The following COBLL1 variants were observed in gnomAD, a reference collection of about 807,000 sequenced individuals.
COBLL1 encodes cordon-bleu protein-like 1.
COBLL1 carries 50 observed loss-of-function variants against 94.8 expected under a neutral mutation model. The ratio of observed to expected loss-of-function variants is 0.53; its 90% CI spans 0.42 to 0.67. COBLL1 has a LOEUF of 0.67. Ranked by LOEUF, COBLL1 falls within the 30% of genes least tolerant of loss-of-function variation. COBLL1 has a pLI of 0.00. For synonymous variants in COBLL1, 448 were observed against 473.8 expected (o/e 0.95, Z 0.71); for missense variants, 1,362 against 1,348.7 (o/e 1.01, Z -0.15).
At position 164,694,720 on chromosome 2, in the gene COBLL1, G is replaced by A; in HGVS notation, c.2672C>T (p.Ala891Val). The change falls in exon 12 of 14, where the codon GCC becomes GTC. Residue 891 changes from alanine to valine, a missense_variant. By Grantham distance (64) the Ala-to-Val change is moderately conservative. Coordinates refer to ENST00000652658, the MANE Select transcript of COBLL1 (RefSeq NM_001365672.2). ...TSAAAKSVHA[A>V]PNPAPKELTN... ...CAGTTCTTTTGGAGCAGGATTAGGG[G>A]CAGCATGGACACTCTTGGCAGCTGC... The A allele has an allele frequency of 6.2e-7, 1 of 1,613,786 alleles. No individual in the cohort carries two copies. The highest frequency in any genetic ancestry group is 2.2e-5 in the East Asian group (1 of 44,878).
chr2:164,838,818 TAGTC>T (rs1186282746), intron 2 of COBLL1, among the ~76,000 whole-genome samples: 1 of 152,188 alleles, frequency 6.6e-6, no homozygotes, highest in Non-Finnish European at 1.5e-5. Context: ...ATGATATAAT[TAGTC>T]AGTTTTATAG....
intron 2 of COBLL1, among the ~76,000 whole-genome samples, chr2:164,769,797 C>A (rs536105668): frequency 5.3e-5 from 8 of 152,134 alleles, no homozygotes; most frequent in East Asian, 3.9e-4. Context: ...ATACCCCCCC[C>A]AGAGCAAGCA....
intron 2 of COBLL1, among the ~76,000 whole-genome samples, chr2:164,812,118 CTT>C (rs1349593349): frequency 2.0e-5 from 3 of 151,808 alleles, no homozygotes; most frequent in African/African-American, 4.8e-5. Context: ...TATTTTAAGA[CTT>C]ATGCTATTTT....
chr2:164,775,235 C>A (rs1307373030), intron 2 of COBLL1, among the ~76,000 whole-genome samples: 1 of 152,068 alleles, frequency 6.6e-6, no homozygotes, highest in African/African-American at 2.4e-5. Flanking sequence ...TGGCTACCAC[C>A]CCCAACCCCA....
At position 164,685,934 on chromosome 2, in the gene COBLL1, G is replaced by A. The variant is rs1310047382; in HGVS notation, c.*12C>T. On this transcript the variant is annotated 3_prime_UTR_variant, in exon 14 of 14. Coordinates refer to ENST00000652658, the MANE Select transcript of COBLL1 (RefSeq NM_001365672.2). ...AGTGGAAGTGAAGTGCAGTGGTGTG[G>A]CAGGGTAACATTTAATGGCCGTCCT... The A allele has an allele frequency of 4.5e-6, 7 of 1,554,808 alleles. No individual in the cohort carries two copies. In the Admixed American group the frequency reaches 1.2e-4, roughly 26 times the overall value.
chr2:164,760,334 C>T (rs905775924), intron 2 of COBLL1, among the ~76,000 whole-genome samples: 6 of 152,082 alleles, frequency 3.9e-5, no homozygotes, highest in African/African-American at 1.4e-4. Context: ...GTAAGAGTCT[C>T]AAAGGGACAA....
At chr2:164,687,302 G>T in intron 13 of COBLL1, 1 of 632,634 alleles carries the variant, frequency 1.6e-6, no homozygotes, top group Non-Finnish European at 2.9e-6. Context: ...GCAGGGCCCG[G>T]CACTTGTCCA....
Position 164,827,240 on chromosome 2 carries a change from T to C in COBLL1, c.41+13916A>G, listed in dbSNP as rs77921510. On this transcript the variant is annotated intron_variant, in intron 2 of 13. Transcript: ENST00000652658. ...CTGGGATTGCAGGCATAAGCCATCA[T>C]GCCCGGCCCATTTCTTTAAGGTTTT... Among the ~76,000 whole-genome samples the C allele has an allele frequency of 2.7e-3, 414 of 152,318 alleles. 3 individuals carry two copies. The highest frequency in any genetic ancestry group is 9.5e-3 in the African/African-American group (395 of 41,588).
chr2:164,692,620 A>G (rs1683677940), intron 12 of COBLL1: 1 of 415,696 alleles, frequency 2.4e-6, no homozygotes, highest in Non-Finnish European at 4.3e-6. Flanking sequence ...CCAAAGAAGA[A>G]AAGTGGTACC....
At chr2:164,715,407 G>C (rs933494914) in intron 7 of COBLL1, among the ~76,000 whole-genome samples, 8 of 151,964 alleles carry the variant, frequency 5.3e-5, no homozygotes, top group African/African-American at 1.7e-4. Flanking sequence ...GGAAAATGGA[G>C]GGGAAAATAA....
rs1558956204 is a variant in COBLL1, at chr2:164,725,135, A to ATATATATATATAT, written c.662-2614_662-2613insATATATATATATA. The ATATATATATATAT allele has an allele frequency of 7.2e-3, 412 of 57,090 alleles. 16 individuals carry two copies. Among genetic ancestry groups the ATATATATATATAT allele is most frequent in the Non-Finnish European group, 9.2e-3 (277 of 30,144 alleles). The allele number at this position is 57,090 out of a possible 1,614,324, so 3.5% of individuals were successfully genotyped here. On this transcript the variant is annotated intron_variant, in intron 5 of 13. Transcript: ENST00000652658. Reference sequence around the variant, plus strand: ...ATATATATATATATATATATATATAAAATGAAAGCAGTGGTATTACTCCAT... The same window carrying ATATATATATATAT: ...ATATATATATATATATATATATATAATATATATATATATAATGAAAGCAGTGGTATTACTCCAT...
intron 9 of COBLL1, among the ~76,000 whole-genome samples, chr2:164,701,068 T>C (rs1207213164): frequency 6.6e-6 from 1 of 152,196 alleles, no homozygotes; most frequent in African/African-American, 2.4e-5. Context: ...ATTGAATGGT[T>C]TTTACACTCA....
intron 2 of COBLL1, 95 bp from the exon 3 acceptor site, chr2:164,743,970 G>A: frequency 1.2e-6 from 1 of 850,224 alleles, no homozygotes; most frequent in African/African-American, 1.7e-5. Flanking sequence ...TCTAGTAGTG[G>A]TTTTTCACAT....
chr2:164,704,545 T>C (rs1350618516), intron 8 of COBLL1, 27 bp from the exon 9 acceptor site: 3 of 1,524,688 alleles, frequency 2.0e-6, no homozygotes, highest in Non-Finnish European at 2.7e-6. Flanking sequence ...ACACAACTTA[T>C]AAAGTCATAT....
At chr2:164,752,278 C>A (rs1687165073) in intron 2 of COBLL1, among the ~76,000 whole-genome samples, 1 of 152,136 alleles carries the variant, frequency 6.6e-6, no homozygotes, top group African/African-American at 2.4e-5. Flanking sequence ...GGGTGACATG[C>A]AGACAGATTA....
intron 2 of COBLL1, among the ~76,000 whole-genome samples, chr2:164,835,292 A>G (rs1368301282): frequency 6.6e-6 from 1 of 152,218 alleles, no homozygotes; most frequent in Non-Finnish European, 1.5e-5. Flanking sequence ...TGGATGGATA[A>G]GCAAAATGTG....
chr2:164,716,698 T>C (rs940571267), intron 7 of COBLL1, among the ~76,000 whole-genome samples: 1 of 152,202 alleles, frequency 6.6e-6, no homozygotes, highest in Non-Finnish European at 1.5e-5. Flanking sequence ...TAACTTTGAA[T>C]AGTCTTTGGA....
At position 164,681,051 on chromosome 2, in the gene COBLL1, T is replaced by G. The variant is rs779606197; in HGVS notation, c.*4895A>C. The G allele has an allele frequency of 1.3e-5, 2 of 152,222 alleles. No individual in the cohort carries two copies. Among genetic ancestry groups the G allele is most frequent in the Non-Finnish European group, 2.9e-5 (2 of 68,040 alleles). 9.4% of individuals were successfully genotyped at this position (152,222 alleles called of 1,614,324 possible). ...TTTGTGTTGGATTTAGTAAGTCATC[T>G]GTGAGATTCTGGAGGAAACAGCGTT... On this transcript the variant is annotated 3_prime_UTR_variant, in exon 14 of 14. Coordinates refer to ENST00000652658, the MANE Select transcript of COBLL1 (RefSeq NM_001365672.2).
intron 2 of COBLL1, among the ~76,000 whole-genome samples, chr2:164,794,229 T>C (rs2105304100): frequency 6.6e-6 from 1 of 152,336 alleles, no homozygotes; most frequent in South Asian, 2.1e-4. Context: ...ATCTGTATCC[T>C]GGTGATAGCA....
Sources: gnomAD v4.1 joint callset for allele counts (sites outside exome capture counted in the v4.1 genomes callset) on GRCh38, gnomAD v4.1.1 for gene constraint, MANE v1.5 for transcripts, NCBI Gene and HGNC (gene_info 2026-07-23, HGNC 2026-07-21) for gene names.